PRKCG: variants seen among roughly 807,000 people sequenced by gnomAD.
PRKCG encodes protein kinase C gamma.
Under a neutral mutation model 82.0 loss-of-function variants are expected in PRKCG, and 28 were observed. The observed-to-expected ratio is 0.34, with a 90% confidence interval of 0.25 to 0.47. The LOEUF (loss-of-function observed/expected upper bound fraction) is 0.47. PRKCG is among the 20% of genes least tolerant of loss of function. The pLI, the probability that PRKCG is intolerant of heterozygous loss-of-function variation, is 1.00. For missense variants in PRKCG, 640 were observed against 952.7 expected, an observed-to-expected ratio of 0.67 and a Z score of 4.32; for synonymous variants, 383 against 376.6, an observed-to-expected ratio of 1.02 and a Z score of -0.20.
At chr19:53,903,868 A>C (rs969447896) in intron 15 of PRKCG, among the ~76,000 whole-genome samples, 3 of 152,236 alleles carry the variant, frequency 2.0e-5, no homozygotes, top group African/African-American at 7.2e-5. Flanking sequence ...TTAAAATTGG[A>C]AAATGGACAT....
chr19:53,893,313 G>T (rs375449585), intron 8 of PRKCG, 49 bp from the exon 9 acceptor site: 4 of 1,580,216 alleles, frequency 2.5e-6, no homozygotes, highest in Non-Finnish European at 3.5e-6. Flanking sequence ...GTTCTAGGGC[G>T]ATCCCCTGCA....
intron 9 of PRKCG, among the ~76,000 whole-genome samples, chr19:53,896,072 AAAAG>A (rs1390544046): frequency 6.6e-6 from 1 of 151,912 alleles, no homozygotes; most frequent in Non-Finnish European, 1.5e-5. Context: ...AAAAAAAAAA[AAAAG>A]AGAGAATGGG....
intron 5 of PRKCG, 91 bp downstream of exon 5, chr19:53,890,108 C>G: frequency 1.5e-6 from 2 of 1,361,886 alleles, no homozygotes; most frequent in Admixed American, 2.0e-5. Flanking sequence ...AGCCCTACCC[C>G]AAAGATGGGG....
At position 53,890,024 on chromosome 19, in the gene PRKCG, C is replaced by A; in HGVS notation, c.529+7C>A. The stretch of plus-strand genomic sequence containing the variant: ...GATGAGATCCACGTAACTGGTGAGG[C>A]CCCGCCCCCTCGCCTGGCCCCGCCC... On this transcript the variant is annotated splice_region_variant and intron_variant, in intron 5 of 17. Coordinates refer to ENST00000263431, the MANE Select transcript of PRKCG (RefSeq NM_002739.5). The A allele has an allele frequency of 6.4e-7, 1 of 1,555,354 alleles. No individual in the cohort carries two copies.
chr19:53,901,254 G>A (rs891432084), intron 14 of PRKCG, among the ~76,000 whole-genome samples: 10 of 152,148 alleles, frequency 6.6e-5, no homozygotes, highest in Middle Eastern at 3.2e-3. Flanking sequence ...TTTCAAGAGG[G>A]CAGGATCAGC....
chr19:53,892,689 T>A lies in PRKCG; in HGVS notation c.821+46T>A. ...CTGGGGATGGAGCGCAATATTACCA[T>A]CTCCATCTGTGTGTGGTCTCTCTCC... On this transcript the variant is annotated intron_variant, in intron 7 of 17. Transcript: ENST00000263431. This position sits in a 1 kb window ranked among gnomAD's most constrained non-coding sequence, Gnocchi z 5.9. 1.3e-6 allele frequency: 2 copies of A among 1,591,510 alleles called. No individual in the cohort carries two copies. Among genetic ancestry groups the A allele is most frequent in the Non-Finnish European group, 1.7e-6 (2 of 1,172,818 alleles).
intron 9 of PRKCG, among the ~76,000 whole-genome samples, chr19:53,893,749 T>A (rs968217710): frequency 5.3e-5 from 8 of 151,482 alleles, no homozygotes; most frequent in East Asian, 1.9e-4. Context: ...TTTTTTAAAA[T>A]TTTTTAATTT....
At chr19:53,898,376 G>A in intron 10 of PRKCG, 64 bp from the exon 11 acceptor site, 1 of 1,589,566 alleles carries the variant, frequency 6.3e-7, no homozygotes, top group Non-Finnish European at 8.6e-7. Flanking sequence ...CCCTTAGGGA[G>A]GGGGCAGGTC....
Position 53,900,489 on chromosome 19 carries a change from GC to G in PRKCG, c.1436+12del. On this transcript the variant is annotated intron_variant, in intron 13 of 17. Transcript: ENST00000263431. This position sits in a 1 kb window ranked among gnomAD's most constrained non-coding sequence, Gnocchi z 4.2. Reference sequence around the variant, plus strand: ...TCAGGGCATCATCTACAGGTGAGCAGCCCCAGGAATTTCCGTGGAGGAAATC... The same window carrying G: ...TCAGGGCATCATCTACAGGTGAGCAGCCCAGGAATTTCCGTGGAGGAAATC... 6.2e-7 allele frequency: 1 copy of G among 1,614,116 alleles called. No individual in the cohort carries two copies. Among genetic ancestry groups the G allele is most frequent in the South Asian group, 1.1e-5 (1 of 91,074 alleles).
chr19:53,894,925 G>A (rs1290460906), intron 9 of PRKCG, among the ~76,000 whole-genome samples: 1 of 152,130 alleles, frequency 6.6e-6, no homozygotes, highest in Non-Finnish European at 1.5e-5. Context: ...GCACTGGGGC[G>A]TCCCTGGCAC....
chr19:53,886,088 GT>G (rs1369237604), intron 3 of PRKCG, among the ~76,000 whole-genome samples: 1 of 146,922 alleles, frequency 6.8e-6, no homozygotes, highest in Non-Finnish European at 1.5e-5. Context: ...ATTTTTTTTT[GT>G]TTTTGTTGTT....
At chr19:53,890,419 G>A (rs1304971395) in intron 5 of PRKCG, among the ~76,000 whole-genome samples, 1 of 151,374 alleles carries the variant, frequency 6.6e-6, no homozygotes, top group Non-Finnish European at 1.5e-5. Flanking sequence ...ACCAAGCCCG[G>A]CTAATTTTTT....
chr19:53,897,870 CT>C, intron 9 of PRKCG, 88 bp from the exon 10 acceptor site: 1 of 1,581,244 alleles, frequency 6.3e-7, no homozygotes, highest in Admixed American at 1.7e-5. Context: ...TCATCCTTTC[CT>C]TTCTTGGGTG....
rs763771767 is a variant in PRKCG, at chr19:53,898,406, A to G, written c.1093-34A>G. 6 of 1,613,690 alleles carry G rather than the reference A, an allele frequency of 3.7e-6. No individual in the cohort carries two copies. In the East Asian group the frequency reaches 1.1e-4, roughly 30 times the overall value. On this transcript the variant is annotated intron_variant, in intron 10 of 17. Coordinates refer to ENST00000263431, the MANE Select transcript of PRKCG (RefSeq NM_002739.5). ...CAGGTCCTGTACCACTGGGTTCCCA[A>G]CATGGACTGGCCCTTTTGGAACTGT...
rs769292201 is a variant in PRKCG, at chr19:53,898,557, G to T, written c.1210G>T (p.Ala404Ser). The part of the protein sequence containing the change: ...DCTLVEKRVL[A>S]LGGRGPGGRP... ...CACGCTGGTGGAGAAACGTGTGCTG[G>T]CGCTGGGGGGCCGGGGTCCTGGCGG... Residue 404 changes from alanine to serine, a missense_variant, in exon 11 of 18, where the codon GCG becomes TCG. Coordinates refer to ENST00000263431, the MANE Select transcript of PRKCG (RefSeq NM_002739.5). 2 of 1,612,982 alleles carry T rather than the reference G, an allele frequency of 1.2e-6. No homozygotes were observed. The highest frequency in any genetic ancestry group is 1.1e-5 in the South Asian group (1 of 91,032).
rs145197557 is a variant in PRKCG, at chr19:53,897,993, C to T, written c.974C>T (p.Pro325Leu). ...ATGGGCCCCTCTTCCTCTCCCATCC[C>T]CTCCCCTTCCCCTAGTCCCACCGAC... ...VRMGPSSSPI[P>L]SPSPSPTDPK... The change falls in exon 10 of 18, where the codon CCC becomes CTC. Residue 325 changes from proline to leucine, a missense_variant. By Grantham distance (98) the Pro-to-Leu change is moderately conservative. Transcript: ENST00000263431. 3.2e-5 allele frequency: 51 copies of T among 1,613,994 alleles called. No homozygotes were observed. Among genetic ancestry groups the T allele is most frequent in the Non-Finnish European group, 4.1e-5 (48 of 1,180,020 alleles).
chr19:53,906,566 C>T (rs1052068285), intron 17 of PRKCG, 109 bp downstream of exon 17: 8 of 1,562,220 alleles, frequency 5.1e-6, no homozygotes, highest in African/African-American at 1.4e-5. Context: ...GAGCCCCCCG[C>T]CCCCAACAAA....
In PRKCG at chr19:53,884,319, C is replaced by A. The variant is rs2068616330; in HGVS notation, c.285+76C>A. On this transcript the variant is annotated intron_variant, in intron 3 of 17. Transcript: ENST00000263431. This position sits in a 1 kb window ranked among gnomAD's most constrained non-coding sequence, Gnocchi z 4.6. ...ACCCCCTCGGCGTCCGTCCCAATTT[C>A]TCCTGCTATTTTTATGGCTGGGAGG... The A allele has an allele frequency of 7.3e-7, 1 of 1,364,668 alleles. No individual in the cohort carries two copies. Among genetic ancestry groups the A allele is most frequent in the African/African-American group, 1.4e-5 (1 of 69,914 alleles). 84.5% of individuals were successfully genotyped at this position (1,364,668 alleles called of 1,614,324 possible).
rs911843033 is a variant in PRKCG, at chr19:53,884,003, C to T, written c.203-158C>T. 1.3e-5 allele frequency among the ~76,000 whole-genome samples: 2 copies of T among 152,074 alleles called. No homozygotes were observed. Among genetic ancestry groups the T allele is most frequent in the Non-Finnish European group, 1.5e-5 (1 of 68,028 alleles). ...GTCTCCTGCTTCTCTCTCTGGCCTC[C>T]GATTTTCTCTCTGTTGGACTCTCTG... is the stretch of plus-strand genomic sequence containing the variant. On this transcript the variant is annotated intron_variant, in intron 2 of 17. Coordinates refer to ENST00000263431, the MANE Select transcript of PRKCG (RefSeq NM_002739.5). The surrounding 1 kb of genome is among the most constrained non-coding windows in gnomAD (Gnocchi z 4.6).
Sources: gnomAD v4.1 joint callset for allele counts (sites outside exome capture counted in the v4.1 genomes callset) on GRCh38, gnomAD v4.1.1 for gene constraint, Gnocchi (gnomAD v3.1) non-coding constraint, MANE v1.5 for transcripts, NCBI Gene and HGNC (gene_info 2026-07-23, HGNC 2026-07-21) for gene names.